Variants in CSMD1 observed in about 807,000 individuals in gnomAD.
CSMD1 encodes the protein CUB and sushi domain-containing protein 1.
In CSMD1, 213 loss-of-function variants were observed where a neutral mutation model predicts 417.5. The ratio of observed to expected loss-of-function variants is 0.51; its 90% confidence interval spans 0.46 to 0.57. The LOEUF (loss-of-function observed/expected upper bound fraction) is 0.57, where lower values mean the gene tolerates loss of function less well. Ranked by LOEUF, CSMD1 falls within the 20% of genes least tolerant of loss-of-function variation. The probability of loss-of-function intolerance (pLI) is 0.00; values close to 1 mark genes in which losing one functional copy is unlikely to be tolerated. For synonymous variants in CSMD1, 2,862 were observed against 1,736.8 expected (o/e 1.65, Z -16.11); for missense variants, 6,923 against 4,529.7 (o/e 1.53, Z -15.17).
At chr8:3,773,007 A>C (rs574852146) in intron 5 of CSMD1, among the ~76,000 whole-genome samples, 88 of 152,140 alleles carry the variant, frequency 5.8e-4, no homozygotes, top group Non-Finnish European at 1.1e-3. Flanking sequence ...CCTGATTCAG[A>C]GGCAGGACCT....
intron 26 of CSMD1, among the ~76,000 whole-genome samples, chr8:3,236,066 T>C (rs967474990): frequency 5.9e-5 from 9 of 151,738 alleles, no homozygotes; most frequent in South Asian, 4.2e-4. Flanking sequence ...TACAGGCGCC[T>C]ACCACCACAC....
At chr8:3,301,382 A>G (rs1340312333) in intron 25 of CSMD1, among the ~76,000 whole-genome samples, 1 of 152,096 alleles carries the variant, frequency 6.6e-6, no homozygotes, top group Non-Finnish European at 1.5e-5. Context: ...GAAGTGTGGG[A>G]GCTAGTGAAA....
At chr8:3,268,177 A>C (rs1474517273) in intron 26 of CSMD1, among the ~76,000 whole-genome samples, 1 of 151,930 alleles carries the variant, frequency 6.6e-6, no homozygotes, top group African/African-American at 2.4e-5. Context: ...GAATGAGTGA[A>C]TATCGAATGG....
Position 3,566,843 on chromosome 8 carries a change from G to C in CSMD1, c.1344+8102C>G, listed in dbSNP as rs1020851704. Among the ~76,000 whole-genome samples the C allele has an allele frequency of 2.6e-5, 4 of 152,194 alleles. No homozygotes were observed. In the South Asian group the frequency reaches 6.2e-4, roughly 24 times the overall value. ...ACACTGTTGGTGAGAGTGTAAACTA[G>C]GTTAACCTTTGTGGAAGGCAGCGTG... On this transcript the variant is annotated intron_variant, in intron 10 of 69. Coordinates refer to ENST00000635120, the MANE Select transcript of CSMD1 (RefSeq NM_033225.6).
chr8:3,457,154 C>A (rs1487191513), intron 12 of CSMD1, among the ~76,000 whole-genome samples: 2 of 145,954 alleles, frequency 1.4e-5, no homozygotes, highest in African/African-American at 5.0e-5. Flanking sequence ...CTGAACACCT[C>A]ATCCTGTACC....
At chr8:4,433,818 T>C (rs1449486917) in intron 2 of CSMD1, among the ~76,000 whole-genome samples, 1 of 150,898 alleles carries the variant, frequency 6.6e-6, no homozygotes, top group Non-Finnish European at 1.5e-5. Flanking sequence ...AAGATACTTT[T>C]AATGAATCTG....
At chr8:4,594,623 A>G (rs1430202164) in intron 2 of CSMD1, among the ~76,000 whole-genome samples, 1 of 152,124 alleles carries the variant, frequency 6.6e-6, no homozygotes, top group Non-Finnish European at 1.5e-5. Flanking sequence ...GCAAATATGT[A>G]TTTGAACCTG....
chr8:4,083,474 T>C (rs1259226954), intron 3 of CSMD1, among the ~76,000 whole-genome samples: 2 of 152,182 alleles, frequency 1.3e-5, no homozygotes, highest in African/African-American at 2.4e-5. Context: ...AACAGCATGG[T>C]ACTGGTACCA....
chr8:4,266,970 G>T (rs1251023138), intron 3 of CSMD1, among the ~76,000 whole-genome samples: 2 of 103,974 alleles, frequency 1.9e-5, no homozygotes, highest in African/African-American at 5.2e-5. Flanking sequence ...AACAATTTTG[G>T]AACTTAAGAA....
At chr8:3,610,776 G>A (rs550004822) in intron 8 of CSMD1, among the ~76,000 whole-genome samples, 2 of 151,914 alleles carry the variant, frequency 1.3e-5, no homozygotes, top group African/African-American at 4.8e-5. Context: ...TCTTTTTAAG[G>A]TGTGCCCCAC....
chr8:3,970,823 C>CT (rs1813030219), intron 5 of CSMD1, among the ~76,000 whole-genome samples: 1 of 152,106 alleles, frequency 6.6e-6, no homozygotes. Context: ...CACCATCTGT[C>CT]TCACTGCAAC....
intron 38 of CSMD1, among the ~76,000 whole-genome samples, chr8:3,161,539 T>A (rs371970880): frequency 6.7e-6 from 1 of 149,508 alleles, no homozygotes; most frequent in East Asian, 2.0e-4. Context: ...ATTGTTTGAA[T>A]CTGGGAGGCG....
chr8:3,290,777 A>G (rs1803495929), intron 25 of CSMD1, among the ~76,000 whole-genome samples: 1 of 147,684 alleles, frequency 6.8e-6, no homozygotes, highest in South Asian at 2.1e-4. Context: ...GCCAACAGGG[A>G]CAATTTGACT....
At chr8:4,879,202 A>G (rs1469810684) in intron 1 of CSMD1, among the ~76,000 whole-genome samples, 1 of 152,082 alleles carries the variant, frequency 6.6e-6, no homozygotes, top group Admixed American at 6.6e-5. Flanking sequence ...AGACAGGCCA[A>G]TGGCTGCAGC....
intron 1 of CSMD1, among the ~76,000 whole-genome samples, chr8:4,836,427 A>G (rs1271894997): frequency 6.6e-6 from 1 of 152,186 alleles, no homozygotes; most frequent in East Asian, 1.9e-4. Flanking sequence ...GCCAGGGGGA[A>G]GAGATTTGTC....
At chr8:3,258,558 A>C (rs1478398250) in intron 26 of CSMD1, among the ~76,000 whole-genome samples, 3 of 152,212 alleles carry the variant, frequency 2.0e-5, no homozygotes, top group Admixed American at 2.0e-4. Context: ...ACCTAAAGAC[A>C]GAAATATCAT....
At chr8:3,453,802 G>C (rs1278173997) in intron 12 of CSMD1, among the ~76,000 whole-genome samples, 3 of 152,186 alleles carry the variant, frequency 2.0e-5, no homozygotes, top group Non-Finnish European at 4.4e-5. Context: ...ATTTGGGGGG[G>C]ATAGTTCTGT....
At chr8:4,218,473 C>T (rs1463567415) in intron 3 of CSMD1, among the ~76,000 whole-genome samples, 1 of 152,158 alleles carries the variant, frequency 6.6e-6, no homozygotes, top group Admixed American at 6.5e-5. Context: ...AAGTCTCAAC[C>T]TCCACTTGCT....
chr8:4,205,429 A>T (rs572238288), intron 3 of CSMD1, among the ~76,000 whole-genome samples: 1 of 152,208 alleles, frequency 6.6e-6, no homozygotes, highest in Admixed American at 6.5e-5. Context: ...CACCAAACTG[A>T]TATTTATTTC....
Sources: allele counts gnomAD v4.1 joint callset (sites outside exome capture counted in the v4.1 genomes callset), GRCh38; gene constraint gnomAD v4.1.1; transcripts MANE v1.5; gene names NCBI Gene and HGNC (gene_info 2026-07-23, HGNC 2026-07-21).